Variants in PTPDC1 observed in about 807,000 individuals in gnomAD.
PTPDC1 encodes the protein protein tyrosine phosphatase domain containing 1.
A neutral mutation model predicts 75.3 loss-of-function variants in PTPDC1; 53 were observed. The observed-to-expected ratio is 0.70, with a 90% confidence interval of 0.56 to 0.88. The LOEUF is 0.88. Among genes scored for constraint, PTPDC1 ranks in the 40% least tolerant of loss-of-function variants. PTPDC1 has a pLI of 0.00. For missense variants in PTPDC1, 925 were observed against 998.6 expected (o/e 0.93, Z 0.99); for synonymous variants, 349 against 366.2 (o/e 0.95, Z 0.54).
intron 8 of PTPDC1, 90 bp from the exon 9 acceptor site, chr9:94,107,737 GT>G (rs960847406): frequency 7.0e-5 from 42 of 600,424 alleles, no homozygotes; most frequent in African/African-American, 1.9e-4. Context: ...TTGTAAGTCT[GT>G]TTTTTTTCTC....
intron 5 of PTPDC1, 65 bp downstream of exon 5, chr9:94,095,519 TA>T (rs934613454): frequency 4.6e-6 from 6 of 1,312,278 alleles, no homozygotes; most frequent in African/African-American, 1.5e-5. Context: ...TAAGATTTCC[TA>T]ATTTGAGGGT....
intron 1 of PTPDC1, among the ~76,000 whole-genome samples, chr9:94,056,158 G>A (rs1332550523): frequency 6.6e-6 from 1 of 152,212 alleles, no homozygotes; most frequent in East Asian, 1.9e-4. Flanking sequence ...TCAGTAATGT[G>A]TGTTGAGGAT....
chr9:94,041,930 G>A (rs190265341), intron 1 of PTPDC1, among the ~76,000 whole-genome samples: 5 of 152,284 alleles, frequency 3.3e-5, no homozygotes, highest in African/African-American at 9.6e-5. Context: ...ACCATAGGTA[G>A]GAACTATATG....
Position 94,084,757 on chromosome 9 carries a change from C to A in PTPDC1, c.227C>A (p.Pro76His). Residue 76 changes from proline to histidine, a missense_variant, in exon 1 of 9, where the codon CCC becomes CAC. By Grantham distance (77) the Pro-to-His change is moderately conservative. Transcript: ENST00000620992. ...VSHAEGNPTF[P>H]ERKSKGNLER... ...CATGCAGAGGGAAACCCAACTTTCC[C>A]CGAAAGAAAAAGTAAAGGTCTCTTT... 1 of 1,571,942 alleles carries A rather than the reference C, an allele frequency of 6.4e-7. No individual in the cohort carries two copies. Among genetic ancestry groups the A allele is most frequent in the South Asian group, 1.2e-5 (1 of 84,276 alleles).
At chr9:94,060,671 A>C (rs55649625) in intron 1 of PTPDC1, among the ~76,000 whole-genome samples, 1,575 of 152,326 alleles carry the variant, frequency 0.01, 13 homozygotes, top group Non-Finnish European at 0.016. Context: ...CAGGCATCTT[A>C]CATGACAGAA....
At chr9:94,082,733 T>C (rs1477130899), upstream of PTPDC1, among the ~76,000 whole-genome samples, 1 of 152,154 alleles carries the variant, frequency 6.6e-6, no homozygotes, top group East Asian at 1.9e-4. Flanking sequence ...TCCTTAGACA[T>C]TGACACAGGG....
upstream of PTPDC1, among the ~76,000 whole-genome samples, chr9:94,081,139 G>A (rs1236447054): frequency 2.0e-5 from 3 of 151,738 alleles, no homozygotes; most frequent in African/African-American, 4.8e-5. Context: ...ACAGGCATGC[G>A]CCACTACACC....
intron 1 of PTPDC1, among the ~76,000 whole-genome samples, chr9:94,042,027 C>G (rs1825440021): frequency 1.3e-5 from 2 of 151,628 alleles, no homozygotes; most frequent in African/African-American, 4.9e-5. Context: ...AGGATTTCAC[C>G]CTGATGTCTT....
At chr9:94,050,386 G>A (rs1235686165) in intron 1 of PTPDC1, among the ~76,000 whole-genome samples, 1 of 152,066 alleles carries the variant, frequency 6.6e-6, no homozygotes, top group African/African-American at 2.4e-5. Context: ...GTACAGATGG[G>A]GTTTTGTTGT....
chr9:94,072,153 G>T (rs543735909), intron 2 of PTPDC1, among the ~76,000 whole-genome samples: 1 of 151,992 alleles, frequency 6.6e-6, no homozygotes, highest in East Asian at 1.9e-4. Context: ...GATTACAGGC[G>T]CCTGCCACCA....
At chr9:94,037,114 C>G (rs1490225882) in intron 1 of PTPDC1, among the ~76,000 whole-genome samples, 1 of 152,130 alleles carries the variant, frequency 6.6e-6, no homozygotes, top group Non-Finnish European at 1.5e-5. Flanking sequence ...TAGAATCTTG[C>G]CTTTGCAGTC....
At chr9:94,101,502 T>C (rs1278786334) in intron 6 of PTPDC1, 64 bp from the exon 7 acceptor site, 1 of 1,283,102 alleles carries the variant, frequency 7.8e-7, no homozygotes, top group Non-Finnish European at 1.1e-6. Context: ...TGTCAAATGG[T>C]GCACCTCCCT....
intron 2 of PTPDC1, among the ~76,000 whole-genome samples, chr9:94,066,082 C>T (rs1003350807): frequency 2.0e-5 from 3 of 152,116 alleles, no homozygotes; most frequent in Admixed American, 2.0e-4. Flanking sequence ...GCTCTGAGCA[C>T]CTAAGACATA....
intron 1 of PTPDC1, among the ~76,000 whole-genome samples, chr9:94,037,289 A>G (rs1434422073): frequency 1.3e-5 from 2 of 152,180 alleles, no homozygotes; most frequent in East Asian, 3.9e-4. Flanking sequence ...TCTGTTCCCA[A>G]TACTGTTTCC....
At chr9:94,057,245 A>AT (rs944350343) in intron 1 of PTPDC1, among the ~76,000 whole-genome samples, 35 of 149,942 alleles carry the variant, frequency 2.3e-4, no homozygotes, top group African/African-American at 7.1e-4. Context: ...TGCCTGGCTA[A>AT]TTTTTTTTTT....
intron 4 of PTPDC1, among the ~76,000 whole-genome samples, chr9:94,094,339 C>T (rs529554082): frequency 3.2e-4 from 35 of 110,828 alleles, no homozygotes; most frequent in South Asian, 1.0e-3. Flanking sequence ...AATACCCTGC[C>T]GTGTGAGGTG....
intron 1 of PTPDC1, among the ~76,000 whole-genome samples, chr9:94,050,332 C>G (rs113617500): frequency 1.7e-3 from 254 of 152,232 alleles, no homozygotes; most frequent in African/African-American, 5.8e-3. Flanking sequence ...GTTTTTTCCC[C>G]ATCTTTGTGG....
At chr9:94,064,693 TC>T in intron 1 of PTPDC1, 1 of 1,462,132 alleles carries the variant, frequency 6.8e-7, no homozygotes. Context: ...TAAATGACTG[TC>T]CCAAGGCAAA....
At chr9:94,082,424 T>G (rs1482729260), upstream of PTPDC1, among the ~76,000 whole-genome samples, 3 of 152,236 alleles carry the variant, frequency 2.0e-5, no homozygotes, top group Non-Finnish European at 4.4e-5. Flanking sequence ...TTTCAGTGTT[T>G]TACCTGCCCA....
Sources: allele counts gnomAD v4.1 joint callset (sites outside exome capture counted in the v4.1 genomes callset), GRCh38; gene constraint gnomAD v4.1.1; transcripts MANE v1.5; gene names NCBI Gene and HGNC (gene_info 2026-07-23, HGNC 2026-07-21).